The following DENND2B variants were observed in gnomAD, a reference collection of about 807,000 sequenced individuals.
DENND2B encodes the protein DENN domain containing 2B, also known as DENN domain-containing protein 2B.
In DENND2B, 32 loss-of-function variants were observed where a neutral mutation model predicts 116.0. The ratio of observed to expected loss-of-function variants is 0.28; its 90% CI spans 0.21 to 0.37. DENND2B has a LOEUF of 0.37. Ranked by LOEUF, DENND2B falls within the 10% of genes least tolerant of loss-of-function variation. DENND2B has a pLI of 1.00. For missense variants in DENND2B, 1,276 were observed against 1,477.7 expected (o/e 0.86, Z 2.24); for synonymous variants, 588 against 583.9 (o/e 1.01, Z -0.10).
intron 4 of DENND2B, among the ~76,000 whole-genome samples, chr11:8,834,467 A>G (rs1010981393): frequency 6.6e-6 from 1 of 151,962 alleles, no homozygotes; most frequent in African/African-American, 2.4e-5. Context: ...TCCTGTCATA[A>G]TTACATCATG....
At chr11:8,738,607 C>G (rs1250336026) in intron 2 of DENND2B, among the ~76,000 whole-genome samples, 1 of 152,208 alleles carries the variant, frequency 6.6e-6, no homozygotes, top group Non-Finnish European at 1.5e-5. Context: ...CTCCCCATCC[C>G]TGCTGCTACT....
chr11:8,883,356 C>G (rs2063922696), intron 1 of DENND2B, among the ~76,000 whole-genome samples: 1 of 152,220 alleles, frequency 6.6e-6, no homozygotes, highest in African/African-American at 2.4e-5. Flanking sequence ...CTTCTGAACT[C>G]TTAACTAGAG....
intron 2 of DENND2B, among the ~76,000 whole-genome samples, chr11:8,858,582 T>C (rs2063278760): frequency 6.6e-6 from 1 of 152,178 alleles, no homozygotes; most frequent in South Asian, 2.1e-4. Flanking sequence ...AGCTGGGGCT[T>C]AGACCACACA....
intron 1 of DENND2B, among the ~76,000 whole-genome samples, chr11:8,892,501 A>G (rs976854915): frequency 1.3e-5 from 2 of 152,174 alleles, no homozygotes; most frequent in African/African-American, 4.8e-5. Flanking sequence ...GACCACTAGC[A>G]AGACTAATAA....
At chr11:8,885,244 C>A (rs1466344041) in intron 1 of DENND2B, among the ~76,000 whole-genome samples, 1 of 152,236 alleles carries the variant, frequency 6.6e-6, no homozygotes, top group Admixed American at 6.5e-5. Context: ...CTCTTGCCAC[C>A]TGTCCCATGC....
At chr11:8,808,431 A>G (rs1163523077) in intron 1 of DENND2B, 1 of 152,220 alleles carries the variant, frequency 6.6e-6, no homozygotes, top group Non-Finnish European at 1.5e-5. Context: ...GACCAAGGAA[A>G]GCTTCCTCCC....
At chr11:8,812,591 G>A (rs572376902), upstream of DENND2B, among the ~76,000 whole-genome samples, 1 of 152,116 alleles carries the variant, frequency 6.6e-6, no homozygotes, top group African/African-American at 2.4e-5. Flanking sequence ...AGTCTCTTGA[G>A]TACATTAAGC....
chr11:8,894,474 G>T (rs1240209144), intron 1 of DENND2B, among the ~76,000 whole-genome samples: 2 of 151,802 alleles, frequency 1.3e-5, no homozygotes, highest in Non-Finnish European at 2.9e-5. Context: ...CTACAAAATG[G>T]GAGAAAATTT....
chr11:8,707,918 G>A lies in DENND2B; in HGVS notation c.2353-64C>T. 1.3e-6 allele frequency: 2 copies of A among 1,563,086 alleles called. No homozygotes were observed. The highest frequency in any genetic ancestry group is 1.7e-6 in the Non-Finnish European group (2 of 1,154,750). ...CAGAGAATGCATGATTACCATTTCT[G>A]GCTCCTTTTCCTTGGGAACGGAGGA... On this transcript the variant is annotated intron_variant, in intron 11 of 19. Transcript: ENST00000313726. The surrounding 1 kb of genome is among the most constrained non-coding windows in gnomAD (Gnocchi z 4.8).
upstream of DENND2B, among the ~76,000 whole-genome samples, chr11:8,872,485 T>TAAAAAA (rs398044981): frequency 9.7e-6 from 1 of 102,966 alleles, no homozygotes; most frequent in Non-Finnish European, 1.9e-5. Context: ...AGACTCCGTC[T>TAAAAAA]AAAAAAAAAA....
chr11:8,711,855 G>GA (rs11405529), intron 9 of DENND2B: 6,599 of 365,512 alleles, frequency 0.018, 402 homozygotes, highest in African/African-American at 0.13. Flanking sequence ...TAACAAGAGC[G>GA]AAACTCCGTC....
intron 3 of DENND2B, 40 bp from the exon 4 acceptor site, chr11:8,726,249 G>T (rs1042144676): frequency 5.7e-6 from 9 of 1,573,222 alleles, no homozygotes; most frequent in Non-Finnish European, 7.8e-6. Flanking sequence ...TGCTGAATCA[G>T]ATCTCTGCTG....
intron 4 of DENND2B, among the ~76,000 whole-genome samples, chr11:8,721,633 G>A (rs1449803425): frequency 1.3e-5 from 2 of 152,190 alleles, no homozygotes; most frequent in Non-Finnish European, 2.9e-5. Flanking sequence ...GCCTCTAAGG[G>A]GCTGGCTGTT....
At chr11:8,782,119 T>C (rs561805506) in intron 1 of DENND2B, among the ~76,000 whole-genome samples, 2 of 152,322 alleles carry the variant, frequency 1.3e-5, no homozygotes, top group African/African-American at 4.8e-5. Flanking sequence ...GTGTCTGTAA[T>C]ACACAAAAAT....
At chr11:8,864,858 G>A (rs999193546) in intron 2 of DENND2B, among the ~76,000 whole-genome samples, 12 of 152,034 alleles carry the variant, frequency 7.9e-5, no homozygotes, top group Admixed American at 4.6e-4. Flanking sequence ...AGGAAGAATG[G>A]AACAAGACGG....
chr11:8,712,456 G>T lies in DENND2B; in HGVS notation c.2172+95C>A. ...CTGTGGCAGCTCGGTGAGGACGTATGACGAACAAGATCTCTCTCCTTCCCC... is the reference window on the plus strand; with the variant it reads ...CTGTGGCAGCTCGGTGAGGACGTATTACGAACAAGATCTCTCTCCTTCCCC... On this transcript the variant is annotated intron_variant, in intron 9 of 19. Coordinates refer to ENST00000313726, the MANE Select transcript of DENND2B (RefSeq NM_213618.2). This position sits in a 1 kb window ranked among gnomAD's most constrained non-coding sequence, Gnocchi z 4.4. 1.5e-6 allele frequency: 2 copies of T among 1,371,978 alleles called. No homozygotes were observed. Among genetic ancestry groups the T allele is most frequent in the South Asian group, 1.4e-5 (1 of 69,146 alleles). 85.0% of individuals were successfully genotyped at this position (1,371,978 alleles called of 1,614,324 possible).
At chr11:8,853,872 A>C (rs1417152553) in intron 3 of DENND2B, among the ~76,000 whole-genome samples, 1 of 151,942 alleles carries the variant, frequency 6.6e-6, no homozygotes, top group East Asian at 1.9e-4. Flanking sequence ...TTTTAGAGAC[A>C]AGGTCTCACT....
chr11:8,856,401 T>A (rs985884773), intron 3 of DENND2B, among the ~76,000 whole-genome samples: 2 of 152,204 alleles, frequency 1.3e-5, no homozygotes, highest in African/African-American at 4.8e-5. Context: ...TATGGAAAAA[T>A]TTTTAAAGTA....
Position 8,895,317 on chromosome 11 carries a change from A to G in DENND2B, c.-255-14208T>C, listed in dbSNP as rs1166826685. 2.0e-5 allele frequency among the ~76,000 whole-genome samples: 3 copies of G among 152,220 alleles called. No homozygotes were observed. The East Asian group carries it at 5.8e-4, about 29-fold the overall frequency. On this transcript the variant is annotated intron_variant, in intron 1 of 22. Coordinates refer to the DENND2B transcript ENST00000534127. ...ATGTAAATGACGAGTTAATGGGTGC[A>G]GCACACCAACATGGCACATGTATAC...
Sources: gnomAD v4.1 joint callset for allele counts (sites outside exome capture counted in the v4.1 genomes callset) on GRCh38, gnomAD v4.1.1 for gene constraint, Gnocchi (gnomAD v3.1) non-coding constraint, MANE v1.5 for transcripts, NCBI Gene and HGNC (gene_info 2026-07-23, HGNC 2026-07-21) for gene names.